INPP4B: variants seen among roughly 807,000 people sequenced by gnomAD.
INPP4B encodes inositol polyphosphate 4-phosphatase type II.
In INPP4B, 55 loss-of-function variants were observed where a neutral mutation model predicts 122.5. The ratio of observed to expected loss-of-function variants is 0.45; its 90% CI spans 0.36 to 0.56. INPP4B has a LOEUF of 0.56. INPP4B is among the 20% of genes least tolerant of loss of function. The pLI, the probability that INPP4B is intolerant of heterozygous loss-of-function variation, is 0.00. For synonymous variants in INPP4B, 403 were observed against 388.7 expected, an observed-to-expected ratio of 1.04 and a Z score of -0.43; for missense variants, 1,000 against 1,097.7, an observed-to-expected ratio of 0.91 and a Z score of 1.26.
At chr4:142,216,587 T>C (rs1353222986) in intron 12 of INPP4B, among the ~76,000 whole-genome samples, 1 of 152,216 alleles carries the variant, frequency 6.6e-6, no homozygotes, top group Non-Finnish European at 1.5e-5. Context: ...AATAACCTTA[T>C]GAAGTACTTT....
intron 2 of INPP4B, among the ~76,000 whole-genome samples, chr4:142,604,058 C>T (rs1405504290): frequency 6.6e-6 from 1 of 151,982 alleles, no homozygotes; most frequent in East Asian, 1.9e-4. Flanking sequence ...CCCAGAAATG[C>T]AAGGATGGTT....
intron 1 of INPP4B, among the ~76,000 whole-genome samples, chr4:142,821,263 G>T (rs1373806248): frequency 6.6e-6 from 1 of 151,898 alleles, no homozygotes; most frequent in Admixed American, 6.6e-5. Flanking sequence ...CTCTTGAGTG[G>T]ATTTATTTAT....
intron 1 of INPP4B, among the ~76,000 whole-genome samples, chr4:142,763,377 A>G (rs1028432452): frequency 6.6e-6 from 1 of 152,200 alleles, no homozygotes; most frequent in Non-Finnish European, 1.5e-5. Context: ...AAGAGAAATA[A>G]TATTTTGATA....
chr4:142,441,621 T>C (rs567989063), intron 3 of INPP4B, among the ~76,000 whole-genome samples: 6 of 151,968 alleles, frequency 3.9e-5, no homozygotes, highest in African/African-American at 1.4e-4. Context: ...AAAATGCATA[T>C]AGTGAGAAGA....
chr4:142,736,144 G>A (rs1766851446), intron 1 of INPP4B, among the ~76,000 whole-genome samples: 1 of 152,022 alleles, frequency 6.6e-6, no homozygotes, highest in Non-Finnish European at 1.5e-5. Flanking sequence ...AGAATTCCAA[G>A]CTCCACCCCA....
At chr4:142,611,668 G>T in intron 2 of INPP4B, among the ~76,000 whole-genome samples, 1 of 110,778 alleles carries the variant, frequency 9.0e-6, no homozygotes, top group African/African-American at 3.5e-5. Context: ...TTTTGAGATG[G>T]AGTCTGGCTG....
intron 7 of INPP4B, among the ~76,000 whole-genome samples, chr4:142,323,571 C>T (rs533916801): frequency 9.2e-5 from 14 of 151,472 alleles, no homozygotes; most frequent in African/African-American, 3.2e-4. Context: ...TCAGCCTCCC[C>T]AGTAGCTGGG....
At chr4:142,179,251 T>C (rs1016496016) in intron 15 of INPP4B, among the ~76,000 whole-genome samples, 3 of 152,158 alleles carry the variant, frequency 2.0e-5, no homozygotes, top group East Asian at 3.9e-4. Context: ...GGTGGGCAGC[T>C]TGCCTGAGTT....
chr4:142,796,566 C>T (rs1209594621), intron 1 of INPP4B, among the ~76,000 whole-genome samples: 1 of 151,886 alleles, frequency 6.6e-6, no homozygotes, highest in Non-Finnish European at 1.5e-5. Context: ...AAAGGCTACC[C>T]ATGGAGATCC....
intron 1 of INPP4B, among the ~76,000 whole-genome samples, chr4:142,738,931 A>G (rs948925149): frequency 3.3e-5 from 5 of 152,132 alleles, no homozygotes; most frequent in Non-Finnish European, 7.3e-5. Flanking sequence ...GCTATCAAGT[A>G]TTCACTTACA....
At chr4:142,295,095 A>T in intron 9 of INPP4B, among the ~76,000 whole-genome samples, 1 of 152,178 alleles carries the variant, frequency 6.6e-6, no homozygotes, top group Non-Finnish European at 1.5e-5. Flanking sequence ...GAAGGGTCTT[A>T]GTTTAACCTG....
intron 25 of INPP4B, among the ~76,000 whole-genome samples, chr4:142,065,107 T>C (rs978831429): frequency 6.6e-6 from 1 of 152,170 alleles, no homozygotes; most frequent in Non-Finnish European, 1.5e-5. Flanking sequence ...CACCCTGCCA[T>C]GTTTCAAAAA....
intron 1 of INPP4B, among the ~76,000 whole-genome samples, chr4:142,812,450 A>G (rs1031879684): frequency 6.6e-6 from 1 of 152,150 alleles, no homozygotes; most frequent in African/African-American, 2.4e-5. Context: ...AGAAAATAGT[A>G]TTGTGCATTT....
intron 12 of INPP4B, among the ~76,000 whole-genome samples, chr4:142,227,746 T>G (rs934089728): frequency 3.4e-5 from 5 of 148,532 alleles, no homozygotes; most frequent in African/African-American, 1.2e-4. Flanking sequence ...TAATCCCAGC[T>G]AGCTGGGAGG....
intron 2 of INPP4B, among the ~76,000 whole-genome samples, chr4:142,581,918 A>G (rs1019643): frequency 0.78 from 118,344 of 151,916 alleles, 47,328 homozygotes; most frequent in Non-Finnish European, 0.86. Flanking sequence ...GAGGCTCACA[A>G]TCTTGTTCAA....
intron 1 of INPP4B, among the ~76,000 whole-genome samples, chr4:142,736,600 G>A (rs541118175): frequency 6.6e-6 from 1 of 152,182 alleles, no homozygotes; most frequent in East Asian, 1.9e-4. Flanking sequence ...CTCTCTGTTT[G>A]TCTGTTATTG....
At chr4:142,578,116 G>C (rs1029624811) in intron 2 of INPP4B, among the ~76,000 whole-genome samples, 2 of 151,992 alleles carry the variant, frequency 1.3e-5, no homozygotes, top group African/African-American at 4.8e-5. Flanking sequence ...TGAGAAGTTT[G>C]TCTGCCATAT....
intron 17 of INPP4B, among the ~76,000 whole-genome samples, chr4:142,155,238 T>G (rs1416508152): frequency 6.6e-6 from 1 of 152,070 alleles, no homozygotes; most frequent in African/African-American, 2.4e-5. Context: ...CTTATTAAGA[T>G]CAGGACAATG....
chr4:142,806,786 G>GGAAAGAAAGAAAGAAAGAAAGAAA (rs60845921), intron 1 of INPP4B, among the ~76,000 whole-genome samples: 10 of 75,994 alleles, frequency 1.3e-4, no homozygotes, highest in South Asian at 5.5e-4. Context: ...AAAGAAAGAA[G>GGAAAGAAAGAAAGAAAGAAAGAAA]GAAAGAAAGA....
Sources: gnomAD v4.1 joint callset for allele counts (sites outside exome capture counted in the v4.1 genomes callset) on GRCh38, gnomAD v4.1.1 for gene constraint, MANE v1.5 for transcripts, NCBI Gene and HGNC (gene_info 2026-07-23, HGNC 2026-07-21) for gene names.